Variants in ZNF573 observed in about 807,000 individuals in gnomAD.
The protein encoded by ZNF573 is zinc finger protein 573.
A neutral mutation model predicts 57.4 loss-of-function variants in ZNF573; 41 were observed. That is an observed-to-expected ratio of 0.71 (90% CI 0.56 to 0.93). The LOEUF (loss-of-function observed/expected upper bound fraction) is 0.93. Among genes scored for constraint, ZNF573 ranks in the 40% least tolerant of loss-of-function variants. The probability of loss-of-function intolerance (pLI) is 0.00; values close to 1 mark genes in which losing one functional copy is unlikely to be tolerated. For missense variants in ZNF573, 730 were observed against 794.8 expected (o/e 0.92, Z 0.98); for synonymous variants, 249 against 261.0 (o/e 0.95, Z 0.44).
In ZNF573 at chr19:37,773,771, GT is replaced by G. The variant is rs918478149; in HGVS notation, c.-22-21del. On this transcript the variant is annotated intron_variant, in intron 1 of 4. Coordinates refer to ENST00000536220, the MANE Select transcript of ZNF573 (RefSeq NM_001172690.2). ...CCAGAGCTGAGAGAAGAAAAGAGAT[GT>G]TAGTGTTCCCAATATGACTTAATTT... 3.7e-5 allele frequency: 52 copies of G among 1,411,506 alleles called. No homozygotes were observed. In the Admixed American group the frequency reaches 1.0e-3, roughly 28 times the overall value. 87.4% of individuals were successfully genotyped at this position (1,411,506 alleles called of 1,614,324 possible).
intron 4 of ZNF573, among the ~76,000 whole-genome samples, chr19:37,741,282 C>T (rs970285071): frequency 3.9e-5 from 6 of 152,212 alleles, no homozygotes; most frequent in Middle Eastern, 3.4e-3. Context: ...AATCAATCAT[C>T]AAGACAGAGT....
At chr19:37,765,751 C>G (rs959259254) in intron 4 of ZNF573, among the ~76,000 whole-genome samples, 1 of 151,628 alleles carries the variant, frequency 6.6e-6, no homozygotes, top group South Asian at 2.1e-4. Context: ...TATGAAGGAT[C>G]CTAGGGGCCA....
At chr19:37,776,257 A>T (rs2045708067) in intron 1 of ZNF573, among the ~76,000 whole-genome samples, 1 of 152,210 alleles carries the variant, frequency 6.6e-6, no homozygotes, top group Non-Finnish European at 1.5e-5. Flanking sequence ...ATCGTTACCA[A>T]AACAGCATGG....
intron 4 of ZNF573, among the ~76,000 whole-genome samples, chr19:37,741,929 T>A (rs890582215): frequency 4.6e-5 from 7 of 152,092 alleles, no homozygotes; most frequent in African/African-American, 1.7e-4. Flanking sequence ...GAAAACCCCA[T>A]CATCTCAGGC....
At chr19:37,745,405 G>A (rs531759176) in intron 4 of ZNF573, among the ~76,000 whole-genome samples, 4 of 151,158 alleles carry the variant, frequency 2.6e-5, no homozygotes, top group Non-Finnish European at 5.9e-5. Flanking sequence ...TTTTTGGGGG[G>A]TGGGGGTGGT....
In ZNF573 at chr19:37,739,706, T is replaced by C. The variant is rs1412836945; in HGVS notation, c.784A>G (p.Arg262Gly). ...GRAFSQGGHL[R>G]IHQRVHTGEK... ...CCAGTATGAACTCTCTGATGAATTC[T>C]AAGATGTCCACCTTGACTAAAGGCC... Residue 262 changes from arginine (R) to glycine (G), a missense_variant, in exon 5 of 5, where the codon AGA (arginine) becomes GGA (glycine). By Grantham distance (125) the Arg-to-Gly change is moderately radical. Transcript: ENST00000536220. 6.2e-7 allele frequency: 1 copy of C among 1,613,862 alleles called. No individual in the cohort carries two copies. The highest frequency in any genetic ancestry group is 1.7e-5 in the Admixed American group (1 of 59,996).
At chr19:37,753,062 T>A (rs1309954005) in intron 4 of ZNF573, among the ~76,000 whole-genome samples, 1 of 152,100 alleles carries the variant, frequency 6.6e-6, no homozygotes, top group African/African-American at 2.4e-5. Context: ...CAAGATCAGC[T>A]TGTGCCAAAA....
chr19:37,765,849 G>A lies in ZNF573; in HGVS notation c.295+4156C>T, dbSNP rs150667009. Among the ~76,000 whole-genome samples, 514 of 152,084 alleles carry A rather than the reference G, an allele frequency of 3.4e-3. 3 individuals are homozygous for A. The highest frequency in any genetic ancestry group is 0.011 in the African/African-American group (476 of 41,474). On this transcript the variant is annotated intron_variant, in intron 4 of 4. Coordinates refer to ENST00000536220, the MANE Select transcript of ZNF573 (RefSeq NM_001172690.2). ...AGGTCAGGAGTTTGAGACCAGCCTG[G>A]CCGACATGGCAAAACCCTCCTCTCT...
chr19:37,768,529 TG>T (rs1361609305), intron 4 of ZNF573, among the ~76,000 whole-genome samples: 4 of 152,126 alleles, frequency 2.6e-5, no homozygotes, highest in Non-Finnish European at 5.9e-5. Context: ...CCTTATACCA[TG>T]TCTCTTTCCA....
At position 37,758,202 on chromosome 19, in the gene ZNF573, AATATATATATAT is replaced by A. The variant is rs550290940; in HGVS notation, c.295+11791_295+11802del. Among the ~76,000 whole-genome samples, 87 of 17,142 alleles carry A rather than the reference AATATATATATAT, an allele frequency of 5.1e-3. 1 individual carries two copies. The highest frequency in any genetic ancestry group is 9.1e-3 in the African/African-American group (54 of 5,932). 11.2% of individuals were successfully genotyped at this position (17,142 alleles called of 152,430 possible). The stretch of plus-strand genomic sequence containing the variant: ...TACCCTAGAACTTAAAGTATAATAA[AATATATATATAT>A]ATATATATATATATATATATATATA... On this transcript the variant is annotated intron_variant, in intron 4 of 4. Coordinates refer to ENST00000536220, the MANE Select transcript of ZNF573 (RefSeq NM_001172690.2).
At chr19:37,765,537 C>T (rs1028117773) in intron 4 of ZNF573, among the ~76,000 whole-genome samples, 1 of 151,870 alleles carries the variant, frequency 6.6e-6, no homozygotes, top group Non-Finnish European at 1.5e-5. Flanking sequence ...ATGGAGAAAC[C>T]CCATCTCTAC....
At chr19:37,755,733 A>G (rs1296057247) in intron 4 of ZNF573, among the ~76,000 whole-genome samples, 1 of 152,186 alleles carries the variant, frequency 6.6e-6, no homozygotes, top group East Asian at 1.9e-4. Flanking sequence ...AAAATCAGAA[A>G]GAAAATAAAT....
At chr19:37,771,115 A>AT (rs1269467963) in intron 3 of ZNF573, among the ~76,000 whole-genome samples, 2 of 151,534 alleles carry the variant, frequency 1.3e-5, no homozygotes, top group East Asian at 3.9e-4. Context: ...ATCCAGCACT[A>AT]TATGTCACAG....
At chr19:37,762,550 C>G (rs1327437658) in intron 4 of ZNF573, among the ~76,000 whole-genome samples, 1 of 152,090 alleles carries the variant, frequency 6.6e-6, no homozygotes, top group Non-Finnish European at 1.5e-5. Flanking sequence ...TCCCTAAAAA[C>G]AGAATGTGTC....
intron 4 of ZNF573, among the ~76,000 whole-genome samples, chr19:37,754,758 GAATT>G (rs1402157374): frequency 6.6e-6 from 1 of 151,172 alleles, no homozygotes; most frequent in East Asian, 1.9e-4. Flanking sequence ...AAAAAATTTT[GAATT>G]AAGGGAACAA....
At chr19:37,755,869 TAAG>T (rs938015775) in intron 4 of ZNF573, among the ~76,000 whole-genome samples, 2 of 148,964 alleles carry the variant, frequency 1.3e-5, no homozygotes, top group Non-Finnish European at 3.0e-5. Context: ...GGCAATGCAG[TAAG>T]AATAAAAGGC....
At chr19:37,762,774 C>CT (rs771487185) in intron 4 of ZNF573, among the ~76,000 whole-genome samples, 1,724 of 140,330 alleles carry the variant, frequency 0.012, 11 homozygotes, top group African/African-American at 0.019. Context: ...TGGAGCCAGT[C>CT]TTTTTTTTTT....
intron 4 of ZNF573, among the ~76,000 whole-genome samples, chr19:37,749,586 A>G (rs906278365): frequency 6.6e-6 from 1 of 152,166 alleles, no homozygotes; most frequent in African/African-American, 2.4e-5. Flanking sequence ...AAGAAGCTGG[A>G]AAATGCAACA....
chr19:37,746,557 G>A (rs1357969487), intron 4 of ZNF573, among the ~76,000 whole-genome samples: 3 of 152,034 alleles, frequency 2.0e-5, no homozygotes, highest in Admixed American at 1.3e-4. Flanking sequence ...ATACATCGGC[G>A]AATGTGCATA....
Sources: allele counts gnomAD v4.1 joint callset (sites outside exome capture counted in the v4.1 genomes callset), GRCh38; gene constraint gnomAD v4.1.1; transcripts MANE v1.5; gene names NCBI Gene and HGNC (gene_info 2026-07-23, HGNC 2026-07-21).